PRELID2: variants seen among roughly 807,000 people sequenced by gnomAD.
The protein encoded by PRELID2 is PRELI domain containing 2.
In PRELID2, 25 loss-of-function variants were observed where a neutral mutation model predicts 28.4. The ratio of observed to expected loss-of-function variants is 0.88; its 90% CI spans 0.64 to 1.23. The LOEUF is 1.23. Among genes scored for constraint, PRELID2 ranks in the 50% most tolerant of loss-of-function variants. PRELID2 has a pLI of 0.00. For missense variants in PRELID2, 201 were observed against 214.4 expected, an observed-to-expected ratio of 0.94 and a Z score of 0.39; for synonymous variants, 76 against 71.6, an observed-to-expected ratio of 1.06 and a Z score of -0.31.
the PRELID2 span, among the ~76,000 whole-genome samples, chr5:145,291,337 GAA>G: frequency 3.8e-4 from 16 of 41,726 alleles, no homozygotes; most frequent in African/African-American, 1.1e-3. Context: ...CTCTGTTTCA[GAA>G]AAAAAAAAAA....
the PRELID2 span, among the ~76,000 whole-genome samples, chr5:145,399,573 C>T: frequency 3.9e-5 from 6 of 152,052 alleles, no homozygotes; most frequent in Non-Finnish European, 8.8e-5. Flanking sequence ...ACCATTTACC[C>T]TCTATATAGA....
chr5:145,769,226 C>G (rs1234565483), intron 5 of PRELID2, among the ~76,000 whole-genome samples: 1 of 152,200 alleles, frequency 6.6e-6, no homozygotes, highest in African/African-American at 2.4e-5. Context: ...TCTTTCCCCT[C>G]TGAGATTTTT....
At chr5:145,345,927 C>T in the PRELID2 span, among the ~76,000 whole-genome samples, 1 of 151,536 alleles carries the variant, frequency 6.6e-6, no homozygotes. Flanking sequence ...TCCCAACTTT[C>T]AGATATATAA....
At chr5:145,707,741 A>G (rs1396436361) in intron 1 of PRELID2, among the ~76,000 whole-genome samples, 1 of 152,172 alleles carries the variant, frequency 6.6e-6, no homozygotes, top group Admixed American at 6.5e-5. Flanking sequence ...ACTCAGATCA[A>G]GTCAAATCCA....
At chr5:145,684,519 C>T (rs1178962413) in intron 1 of PRELID2, among the ~76,000 whole-genome samples, 1 of 152,190 alleles carries the variant, frequency 6.6e-6, no homozygotes, top group Non-Finnish European at 1.5e-5. Context: ...TTTGTGCTTG[C>T]CCATGTGCAG....
At chr5:145,740,309 TATATATATATAA>T (rs1476969636) in intron 1 of PRELID2, among the ~76,000 whole-genome samples, 3 of 95,142 alleles carry the variant, frequency 3.2e-5, no homozygotes, top group African/African-American at 8.7e-5. Flanking sequence ...TATATATATA[TATATATATATAA>T]ATCCTAAATG....
chr5:145,704,600 C>A (rs1056622931), intron 1 of PRELID2, among the ~76,000 whole-genome samples: 3 of 152,188 alleles, frequency 2.0e-5, no homozygotes, highest in Admixed American at 2.0e-4. Context: ...GAAATATCTG[C>A]CTAACCCACA....
intron 1 of PRELID2, among the ~76,000 whole-genome samples, chr5:145,532,983 A>G (rs934808756): frequency 7.9e-5 from 12 of 152,110 alleles, no homozygotes; most frequent in African/African-American, 2.9e-4. Context: ...ACACCCAGAA[A>G]TGGGATTTCT....
chr5:145,279,922 C>T, the PRELID2 span, among the ~76,000 whole-genome samples: 1 of 151,876 alleles, frequency 6.6e-6, no homozygotes, highest in Non-Finnish European at 1.5e-5. Flanking sequence ...TGATTCATAG[C>T]CCAAGATCCC....
chr5:145,637,615 G>A (rs1325493454), intron 1 of PRELID2, among the ~76,000 whole-genome samples: 1 of 151,990 alleles, frequency 6.6e-6, no homozygotes, highest in Admixed American at 6.6e-5. Context: ...CCAGTGGGAA[G>A]AAAAAACCAG....
chr5:145,423,387 T>C, the PRELID2 span, among the ~76,000 whole-genome samples: 2 of 152,158 alleles, frequency 1.3e-5, no homozygotes, highest in African/African-American at 4.8e-5. Context: ...CAGGCATAGA[T>C]TTGGTCTTTT....
At chr5:145,332,150 G>C in the PRELID2 span, among the ~76,000 whole-genome samples, 4 of 152,160 alleles carry the variant, frequency 2.6e-5, no homozygotes, top group African/African-American at 9.7e-5. Flanking sequence ...TATTCTGATT[G>C]GCTTCCCTTT....
At chr5:145,601,412 G>A (rs974828676) in intron 1 of PRELID2, among the ~76,000 whole-genome samples, 7 of 151,898 alleles carry the variant, frequency 4.6e-5, no homozygotes, top group African/African-American at 1.7e-4. Flanking sequence ...ATCAAAATAA[G>A]TCTAATTAGA....
At chr5:145,335,498 T>G in the PRELID2 span, among the ~76,000 whole-genome samples, 2 of 152,164 alleles carry the variant, frequency 1.3e-5, no homozygotes, top group Non-Finnish European at 2.9e-5. Flanking sequence ...AAAAAATTAT[T>G]GTGTTTATCA....
the PRELID2 span, among the ~76,000 whole-genome samples, chr5:145,336,004 T>C: frequency 6.6e-6 from 1 of 152,274 alleles, no homozygotes; most frequent in South Asian, 2.1e-4. Context: ...GGTTTTGATT[T>C]GCATTTCTCT....
intron 1 of PRELID2, among the ~76,000 whole-genome samples, chr5:145,601,647 G>T (rs951028520): frequency 4.6e-5 from 7 of 152,148 alleles, no homozygotes; most frequent in Non-Finnish European, 7.4e-5. Flanking sequence ...AATAAGACAT[G>T]AATCTAGACA....
chr5:145,597,889 GTGT>G lies in PRELID2; in HGVS notation n.71-124577_71-124575del, dbSNP rs879406158. Among the ~76,000 whole-genome samples, 64 of 152,266 alleles carry G rather than the reference GTGT, an allele frequency of 4.2e-4. 1 individual carries two copies. The highest frequency in any genetic ancestry group is 1.5e-3 in the African/African-American group (62 of 41,562). ...AGTAAGGAGCTGGGTGAATACAGAA[GTGT>G]CTATACATGGAGATTTATAAGCTAT... On this transcript the variant is annotated intron_variant and non_coding_transcript_variant, in intron 1 of 2. Coordinates refer to the PRELID2 transcript ENST00000510259.
At chr5:145,727,129 G>T (rs766908582) in intron 1 of PRELID2, among the ~76,000 whole-genome samples, 2 of 152,236 alleles carry the variant, frequency 1.3e-5, no homozygotes, top group Non-Finnish European at 2.9e-5. Context: ...AGGGAGCACT[G>T]CGTTAAGCAC....
chr5:145,344,115 C>A, the PRELID2 span, among the ~76,000 whole-genome samples: 1 of 151,914 alleles, frequency 6.6e-6, no homozygotes, highest in African/African-American at 2.4e-5. Context: ...TGAAATTATT[C>A]CAAAAAATTT....
Sources: allele counts gnomAD v4.1 joint callset (sites outside exome capture counted in the v4.1 genomes callset), GRCh38; gene constraint gnomAD v4.1.1; transcripts MANE v1.5; gene names NCBI Gene and HGNC (gene_info 2026-07-23, HGNC 2026-07-21).